The following SEMA3E variants were observed in gnomAD, a reference collection of about 807,000 sequenced individuals.
The protein encoded by SEMA3E is semaphorin 3E, also known as semaphorin-3E.
In SEMA3E, 49 loss-of-function variants were observed where a neutral mutation model predicts 93.6. The observed-to-expected ratio is 0.52, with a 90% CI of 0.42 to 0.66. The LOEUF is 0.66. SEMA3E is among the 30% of genes least tolerant of loss of function. The probability of loss-of-function intolerance (pLI) is 0.00; values close to 1 mark genes in which losing one functional copy is unlikely to be tolerated. For missense variants in SEMA3E, 906 were observed against 964.8 expected (o/e 0.94, Z 0.81); for synonymous variants, 363 against 330.7 (o/e 1.10, Z -1.06).
intron 1 of SEMA3E, among the ~76,000 whole-genome samples, chr7:83,597,309 C>T (rs1205069684): frequency 6.6e-6 from 1 of 152,090 alleles, no homozygotes; most frequent in Non-Finnish European, 1.5e-5. Flanking sequence ...TATTGTAGTT[C>T]TCAGGCCTTA....
intron 1 of SEMA3E, among the ~76,000 whole-genome samples, chr7:83,598,139 TTGGCTCCAC>T (rs1792914557): frequency 6.6e-6 from 1 of 152,170 alleles, no homozygotes; most frequent in African/African-American, 2.4e-5. Context: ...GTTGTGGTAG[TTGGCTCCAC>T]TGGGCTGAGA....
intron 16 of SEMA3E, among the ~76,000 whole-genome samples, chr7:83,374,130 C>A (rs1794786888): frequency 6.8e-6 from 1 of 147,562 alleles, no homozygotes; most frequent in Non-Finnish European, 1.5e-5. Context: ...TGCTTGAACC[C>A]AGGAGGCAGA....
In SEMA3E at chr7:83,367,675, A is replaced by T. The variant is rs1322906962; in HGVS notation, c.2239T>A (p.Ser747Thr). 1 of 1,614,078 alleles carries T rather than the reference A, an allele frequency of 6.2e-7. No individual in the cohort carries two copies. Among genetic ancestry groups the T allele is most frequent in the African/African-American group, 1.3e-5 (1 of 75,008 alleles). Reference sequence around the variant, plus strand: ...TGAGGGTTGGCATACTTCCACTTGGAGGGTGACATTTTAAGCTTTTTCCTC... The same window carrying T: ...TGAGGGTTGGCATACTTCCACTTGGTGGGTGACATTTTAAGCTTTTTCCTC... ...RKRKKLKMSP[S>T]KWKYANPQEK... The change falls in exon 17 of 17, where the codon TCC becomes ACC. Residue 747 changes from serine (S) to threonine (T), a missense_variant. Coordinates refer to ENST00000643230, the MANE Select transcript of SEMA3E (RefSeq NM_012431.3).
At chr7:83,399,753 A>G (rs1386611784) in intron 11 of SEMA3E, among the ~76,000 whole-genome samples, 1 of 152,120 alleles carries the variant, frequency 6.6e-6, no homozygotes, top group Non-Finnish European at 1.5e-5. Flanking sequence ...GTCAGCTTCA[A>G]TATTTCTCAC....
At chr7:83,438,115 T>A (rs1346501234) in intron 4 of SEMA3E, among the ~76,000 whole-genome samples, 1 of 152,122 alleles carries the variant, frequency 6.6e-6, no homozygotes, top group Admixed American at 6.5e-5. Flanking sequence ...GCACAGGCAG[T>A]CTTCGTATGA....
chr7:83,423,293 A>C (rs890475004), intron 4 of SEMA3E, among the ~76,000 whole-genome samples: 1 of 152,132 alleles, frequency 6.6e-6, no homozygotes, highest in African/African-American at 2.4e-5. Context: ...TTGAATGTGC[A>C]TGCATTCTCA....
At chr7:83,469,173 G>C (rs1438733235) in intron 3 of SEMA3E, 70 bp downstream of exon 3, 9 of 1,273,832 alleles carry the variant, frequency 7.1e-6, no homozygotes, top group Admixed American at 1.7e-5. Flanking sequence ...AAATTTCAGT[G>C]ATTCAGTTCT....
At chr7:83,630,604 T>C (rs1181492692) in intron 1 of SEMA3E, among the ~76,000 whole-genome samples, 1 of 152,182 alleles carries the variant, frequency 6.6e-6, no homozygotes, top group African/African-American at 2.4e-5. Flanking sequence ...CACAGTGTGA[T>C]ATTTTGAAAT....
chr7:83,527,035 C>T (rs763077600), intron 1 of SEMA3E, among the ~76,000 whole-genome samples: 2 of 151,940 alleles, frequency 1.3e-5, no homozygotes, highest in Admixed American at 6.6e-5. Context: ...TAGTTCTTAA[C>T]CAATCACTAG....
chr7:83,593,006 G>T (rs1792784515), intron 1 of SEMA3E, among the ~76,000 whole-genome samples: 1 of 151,916 alleles, frequency 6.6e-6, no homozygotes, highest in African/African-American at 2.4e-5. Context: ...AGGCTGGAGT[G>T]CAGTGCCACA....
chr7:83,434,965 G>A (rs1488655801), intron 4 of SEMA3E, among the ~76,000 whole-genome samples: 3 of 151,640 alleles, frequency 2.0e-5, no homozygotes, highest in Admixed American at 6.6e-5. Flanking sequence ...CGCCCGCCTC[G>A]GCCTCCCAAA....
chr7:83,482,337 C>A (rs1192801430), intron 2 of SEMA3E, among the ~76,000 whole-genome samples: 2 of 151,920 alleles, frequency 1.3e-5, no homozygotes, highest in Non-Finnish European at 2.9e-5. Flanking sequence ...GAGGCCGAGG[C>A]GGGTGGATCA....
At chr7:83,576,865 A>G (rs980783859) in intron 1 of SEMA3E, among the ~76,000 whole-genome samples, 1 of 152,108 alleles carries the variant, frequency 6.6e-6, no homozygotes, top group Admixed American at 6.6e-5. Flanking sequence ...TGAGTGATCC[A>G]CTTGCCTTGG....
At chr7:83,503,364 C>T (rs1790635326) in intron 1 of SEMA3E, among the ~76,000 whole-genome samples, 1 of 152,064 alleles carries the variant, frequency 6.6e-6, no homozygotes, top group African/African-American at 2.4e-5. Context: ...TTTATAAGCT[C>T]AGCCTGAAAT....
intron 1 of SEMA3E, among the ~76,000 whole-genome samples, chr7:83,548,324 A>G (rs1225911937): frequency 6.6e-6 from 1 of 152,110 alleles, no homozygotes; most frequent in Non-Finnish European, 1.5e-5. Context: ...GGCTTGCTAG[A>G]AACAAGTCAA....
chr7:83,432,529 G>A (rs1788909463), intron 4 of SEMA3E, among the ~76,000 whole-genome samples: 1 of 152,082 alleles, frequency 6.6e-6, no homozygotes, highest in South Asian at 2.1e-4. Context: ...GGTCTTAAGA[G>A]AATTATCACC....
At chr7:83,560,859 C>T (rs150968077) in intron 1 of SEMA3E, among the ~76,000 whole-genome samples, 26 of 151,844 alleles carry the variant, frequency 1.7e-4, no homozygotes, top group African/African-American at 6.0e-4. Context: ...AACTTTCATG[C>T]TAAATATCTT....
chr7:83,428,580 CTTTT>C lies in SEMA3E; in HGVS notation c.457-10101_457-10098del, dbSNP rs559112337. Among the ~76,000 whole-genome samples, 535 of 152,098 alleles carry C rather than the reference CTTTT, an allele frequency of 3.5e-3. 5 individuals carry two copies. Among genetic ancestry groups the C allele is most frequent in the African/African-American group, 0.012 (506 of 41,524 alleles). On this transcript the variant is annotated intron_variant, in intron 4 of 16. Coordinates refer to ENST00000643230, the MANE Select transcript of SEMA3E (RefSeq NM_012431.3). ...CTGAATGTGATTCACTCTACCATAT[CTTTT>C]TTGTTTCTCCTGCCAAGCAATAAAA... is the stretch of plus-strand genomic sequence containing the variant.
At chr7:83,626,335 T>G (rs1265137522) in intron 1 of SEMA3E, among the ~76,000 whole-genome samples, 1 of 152,198 alleles carries the variant, frequency 6.6e-6, no homozygotes, top group East Asian at 1.9e-4. Context: ...CATCTGGTCC[T>G]GGGCTTTTTT....
Sources: allele counts gnomAD v4.1 joint callset (sites outside exome capture counted in the v4.1 genomes callset), GRCh38; gene constraint gnomAD v4.1.1; transcripts MANE v1.5; gene names NCBI Gene and HGNC (gene_info 2026-07-23, HGNC 2026-07-21).